THEMIS: variants seen among roughly 807,000 people sequenced by gnomAD.
THEMIS encodes the protein protein THEMIS.
Under a neutral mutation model 52.6 loss-of-function variants are expected in THEMIS, and 37 were observed. The observed-to-expected ratio is 0.70, with a 90% CI of 0.54 to 0.93. THEMIS has a LOEUF of 0.93. Ranked by LOEUF, THEMIS falls within the 40% of genes least tolerant of loss-of-function variation. The probability of loss-of-function intolerance (pLI) is 0.00; values close to 1 mark genes in which losing one functional copy is unlikely to be tolerated. For synonymous variants in THEMIS, 292 were observed against 272.7 expected (o/e 1.07, Z -0.70); for missense variants, 808 against 763.1 (o/e 1.06, Z -0.69).
intron 4 of THEMIS, among the ~76,000 whole-genome samples, chr6:127,800,530 C>G (rs948657511): frequency 2.0e-5 from 3 of 152,168 alleles, no homozygotes; most frequent in Non-Finnish European, 4.4e-5. Context: ...AAACCATCTG[C>G]GTTGGTTAAT....
At chr6:127,907,663 A>G (rs1374227145) in intron 1 of THEMIS, among the ~76,000 whole-genome samples, 2 of 151,948 alleles carry the variant, frequency 1.3e-5, no homozygotes, top group African/African-American at 2.4e-5. Flanking sequence ...AAGAGGAGAT[A>G]TATCAAAGGG....
rs1487942271 is a variant in THEMIS at position 127,908,604 on chromosome 6, T to A, written c.-149-7523A>T. 1.4e-4 allele frequency among the ~76,000 whole-genome samples: 22 copies of A among 152,286 alleles called. No homozygotes were observed. The East Asian group carries it at 4.3e-3, about 29-fold the overall frequency. The stretch of plus-strand genomic sequence containing the variant: ...CTGACATTTTCCCTTGCTGTAGGAC[T>A]CAACCTTTCCTCAGAACCATGAAAT... On this transcript the variant is annotated intron_variant, in intron 1 of 6. Coordinates refer to the THEMIS transcript ENST00000368250.
intron 4 of THEMIS, among the ~76,000 whole-genome samples, chr6:127,730,948 C>T (rs1774772570): frequency 6.6e-6 from 1 of 152,110 alleles, no homozygotes; most frequent in African/African-American, 2.4e-5. Context: ...GAAAAGTATT[C>T]TTTCATGAGA....
intron 4 of THEMIS, among the ~76,000 whole-genome samples, chr6:127,739,972 G>A (rs1775142884): frequency 6.6e-6 from 1 of 152,074 alleles, no homozygotes; most frequent in South Asian, 2.1e-4. Context: ...TCAATAACTG[G>A]GCTCTGATTG....
rs549018712 is a variant in THEMIS at position 127,738,648 on chromosome 6, G to T, written c.1759-18825C>A. The stretch of plus-strand genomic sequence containing the variant: ...AATTCCCTGAGTAAGCCCTGACTTT[G>T]CTTATTTTCAAGTCTGTCTGGCTAG... On this transcript the variant is annotated intron_variant, in intron 4 of 5. Coordinates refer to ENST00000368248, the MANE Select transcript of THEMIS (RefSeq NM_001010923.3). 2.6e-5 allele frequency among the ~76,000 whole-genome samples: 4 copies of T among 152,160 alleles called. No homozygotes were observed. The East Asian group carries it at 5.8e-4, about 22-fold the overall frequency.
At position 127,911,601 on chromosome 6, in the gene THEMIS, G is replaced by A. The variant is rs117104105; in HGVS notation, c.-150+6827C>T. Among the ~76,000 whole-genome samples the A allele has an allele frequency of 3.9e-4, 59 of 151,390 alleles. No homozygotes were observed. The East Asian group carries it at 5.4e-3, about 14-fold the overall frequency. On this transcript the variant is annotated intron_variant, in intron 1 of 6. Coordinates refer to the THEMIS transcript ENST00000368250. ...TCTGTATTTACATAAGAATGTAAAC[G>A]TAAGTTCATACTGATATTGCCTACT... is the stretch of plus-strand genomic sequence containing the variant.
At chr6:127,812,853 A>G in intron 4 of THEMIS, 30 bp downstream of exon 4, 1 of 1,537,590 alleles carries the variant, frequency 6.5e-7, no homozygotes. Flanking sequence ...AACACACTCC[A>G]GAGAAAACAT....
chr6:127,905,248 C>T (rs923669772), upstream of THEMIS, among the ~76,000 whole-genome samples: 1 of 151,940 alleles, frequency 6.6e-6, no homozygotes, highest in African/African-American at 2.4e-5. Flanking sequence ...CTTAAATGCA[C>T]TCTGAAGAAA....
At chr6:127,848,588 T>G (rs1779306068) in intron 2 of THEMIS, among the ~76,000 whole-genome samples, 1 of 152,112 alleles carries the variant, frequency 6.6e-6, no homozygotes, top group South Asian at 2.1e-4. Flanking sequence ...CAGCCCCTGT[T>G]GTTTCCTGAC....
Position 127,821,742 on chromosome 6 carries a change from A to G in THEMIS, c.709+7734T>C, listed in dbSNP as rs1778347702. On this transcript the variant is annotated intron_variant, in intron 3 of 5. Transcript: ENST00000368248. ...CACCACTAAAATTGTCTTTAAAGAG[A>G]AAATAAAGAGTTACCTTTAAGCTTG... Among the ~76,000 whole-genome samples the G allele has an allele frequency of 2.6e-5, 4 of 152,182 alleles. No homozygotes were observed. The South Asian group carries it at 8.3e-4, about 32-fold the overall frequency.
chr6:127,803,871 C>G lies in THEMIS; in HGVS notation c.1758+9012G>C, dbSNP rs373522001. Among the ~76,000 whole-genome samples the G allele has an allele frequency of 1.7e-4, 26 of 152,278 alleles. No homozygotes were observed. In the South Asian group the frequency reaches 5.2e-3, roughly 30 times the overall value. ...TCTCTTCCAGAGGTATAGTTGAAAA[C>G]TGTAACTGCTACAGAACAGACATAG... is the stretch of plus-strand genomic sequence containing the variant. On this transcript the variant is annotated intron_variant, in intron 4 of 5. Transcript: ENST00000368248.
chr6:127,728,740 C>T (rs1401348861), intron 4 of THEMIS, among the ~76,000 whole-genome samples: 3 of 151,800 alleles, frequency 2.0e-5, no homozygotes, highest in Admixed American at 1.3e-4. Flanking sequence ...GGTGAGGTGG[C>T]CGGGAGGAAG....
intron 5 of THEMIS, among the ~76,000 whole-genome samples, chr6:127,714,822 A>T (rs944329471): frequency 4.0e-5 from 6 of 151,888 alleles, no homozygotes; most frequent in African/African-American, 1.4e-4. Context: ...GAAAAGAAAA[A>T]GGTTGCTTTG....
chr6:127,814,222 G>A (rs762510963), intron 3 of THEMIS, among the ~76,000 whole-genome samples: 4 of 152,126 alleles, frequency 2.6e-5, no homozygotes, highest in Non-Finnish European at 4.4e-5. Flanking sequence ...ACTGACGTAC[G>A]ATCACTGTCC....
intron 1 of THEMIS, among the ~76,000 whole-genome samples, chr6:127,893,172 T>C (rs900796841): frequency 1.3e-5 from 2 of 152,126 alleles, no homozygotes; most frequent in East Asian, 1.9e-4. Context: ...TTTCTTTAAA[T>C]GGTTTTATTG....
intron 1 of THEMIS, chr6:127,868,330 G>T: frequency 2.3e-6 from 1 of 435,354 alleles, no homozygotes; most frequent in Non-Finnish European, 3.1e-6. Context: ...AAGATGCAGG[G>T]CAGTGTCCTC....
chr6:127,744,277 T>C lies in THEMIS; in HGVS notation c.1759-24454A>G, dbSNP rs113424968. ...GTCTCTGTCAATTCCTCAGCCTCTC[T>C]TAATATCCTTATGTTACCCCCAGGC... On this transcript the variant is annotated intron_variant, in intron 4 of 5. Transcript: ENST00000368248. Among the ~76,000 whole-genome samples, 38 of 152,152 alleles carry C rather than the reference T, an allele frequency of 2.5e-4. 1 individual carries two copies. Among genetic ancestry groups the C allele is most frequent in the African/African-American group, 8.7e-4 (36 of 41,534 alleles).
At chr6:127,761,675 G>T (rs1303365811) in intron 4 of THEMIS, among the ~76,000 whole-genome samples, 2 of 152,048 alleles carry the variant, frequency 1.3e-5, no homozygotes, top group African/African-American at 4.8e-5. Flanking sequence ...TACTCTCAGG[G>T]AGCAGCCCAC....
intron 1 of THEMIS, among the ~76,000 whole-genome samples, chr6:127,915,797 C>T (rs151039198): frequency 1.9e-3 from 288 of 151,680 alleles, no homozygotes; most frequent in African/African-American, 6.5e-3. Flanking sequence ...GACCAGCCTG[C>T]CCAACATGAC....
Sources: allele counts gnomAD v4.1 joint callset (sites outside exome capture counted in the v4.1 genomes callset), GRCh38; gene constraint gnomAD v4.1.1; transcripts MANE v1.5; gene names NCBI Gene and HGNC (gene_info 2026-07-23, HGNC 2026-07-21).